CFI: variants seen among roughly 807,000 people sequenced by gnomAD.
CFI encodes the protein C3B/C4B inactivator.
Under a neutral mutation model 78.8 loss-of-function variants are expected in CFI, and 66 were observed. The ratio of observed to expected loss-of-function variants is 0.84; its 90% CI spans 0.69 to 1.03. The LOEUF is 1.03. Ranked by LOEUF, CFI falls within the 50% of genes least tolerant of loss-of-function variation. The probability of loss-of-function intolerance (pLI) is 0.00; values close to 1 mark genes in which losing one functional copy is unlikely to be tolerated. For missense variants in CFI, 706 were observed against 704.5 expected (o/e 1.00, Z -0.02); for synonymous variants, 250 against 232.6 (o/e 1.07, Z -0.68).
At chr4:109,734,851 A>C in the CFI span, among the ~76,000 whole-genome samples, 41 of 152,318 alleles carry the variant, frequency 2.7e-4, no homozygotes, top group Non-Finnish European at 4.6e-4. Flanking sequence ...TATCAAAATA[A>C]ATTATGAAAA....
At chr4:109,762,426 T>A (rs1727201749) in intron 3 of CFI, 1 of 152,204 alleles carries the variant, frequency 6.6e-6, no homozygotes, top group Non-Finnish European at 1.5e-5. Flanking sequence ...CTCAATTTGC[T>A]CAGAATTTGT....
intron 3 of CFI, chr4:109,764,239 C>T (rs1579227796): frequency 2.3e-6 from 1 of 435,844 alleles, no homozygotes; most frequent in Non-Finnish European, 4.2e-6. Context: ...AAAAAGTGTA[C>T]ATAATTGTAG....
intron 1 of CFI, among the ~76,000 whole-genome samples, chr4:109,792,930 T>C (rs775853031): frequency 9.9e-5 from 15 of 152,194 alleles, no homozygotes; most frequent in Non-Finnish European, 1.8e-4. Flanking sequence ...CTCTGCCTTT[T>C]GATATTAGAA....
chr4:109,785,006 G>A (rs1730561368), intron 1 of CFI, among the ~76,000 whole-genome samples: 1 of 151,922 alleles, frequency 6.6e-6, no homozygotes, highest in African/African-American at 2.4e-5. Flanking sequence ...AATGTACTTT[G>A]TGATATTCAC....
At chr4:109,757,740 C>A (rs753435467) in intron 7 of CFI, 23 bp downstream of exon 7, 2 of 1,387,594 alleles carry the variant, frequency 1.4e-6, no homozygotes. Flanking sequence ...TTTAATATCC[C>A]CAAATTTTAA....
chr4:109,797,940 A>G (rs1732267527), intron 1 of CFI, among the ~76,000 whole-genome samples: 1 of 152,216 alleles, frequency 6.6e-6, no homozygotes, highest in South Asian at 2.1e-4. Context: ...ATTCTTCTAC[A>G]GTTGTGGAAG....
rs1316257435 is a variant in CFI, at chr4:109,752,963, T to C, written c.905-460A>G. On this transcript the variant is annotated intron_variant, in intron 7 of 12. Transcript: ENST00000394634. ...ATAAATATTTATAATACATATTTATTATATATTTATTATATGAATAAATAT... is the reference window on the plus strand; with the variant it reads ...ATAAATATTTATAATACATATTTATCATATATTTATTATATGAATAAATAT... Among the ~76,000 whole-genome samples the C allele has an allele frequency of 1.3e-4, 5 of 39,976 alleles. 1 individual carries two copies. Among genetic ancestry groups the C allele is most frequent in the Non-Finnish European group, 1.7e-4 (3 of 17,368 alleles). The allele number at this position is 39,976 out of a possible 152,430, so 26.2% of individuals were successfully genotyped here. A position where few individuals can be genotyped will look rare whatever the true frequency, so the allele number is the denominator to read the frequency against.
intron 1 of CFI, among the ~76,000 whole-genome samples, chr4:109,776,571 T>C (rs1457526884): frequency 6.6e-6 from 1 of 152,102 alleles, no homozygotes; most frequent in African/African-American, 2.4e-5. Flanking sequence ...CAGGAGAACT[T>C]CCCCAACCTA....
downstream of CFI, among the ~76,000 whole-genome samples, chr4:109,739,247 T>C (rs957899550): frequency 6.6e-6 from 1 of 151,812 alleles, no homozygotes; most frequent in African/African-American, 2.4e-5. Flanking sequence ...GAAACATATA[T>C]GTCTGTCTTC....
At chr4:109,745,177 T>C (rs1466925488) in intron 11 of CFI, among the ~76,000 whole-genome samples, 1 of 152,194 alleles carries the variant, frequency 6.6e-6, no homozygotes, top group Non-Finnish European at 1.5e-5. Flanking sequence ...CTTCCTTTTT[T>C]TCTGTTATGC....
chr4:109,733,319 A>T, the CFI span, among the ~76,000 whole-genome samples: 3 of 152,144 alleles, frequency 2.0e-5, no homozygotes, highest in African/African-American at 2.4e-5. Flanking sequence ...TTCTTCCCAA[A>T]TTTTGGCATA....
At chr4:109,732,654 G>A in the CFI span, among the ~76,000 whole-genome samples, 11 of 152,094 alleles carry the variant, frequency 7.2e-5, no homozygotes, top group African/African-American at 2.6e-4. Context: ...TCAGGAGATC[G>A]AGACCATCCT....
At chr4:109,756,919 AAG>A (rs1491401466) in intron 7 of CFI, among the ~76,000 whole-genome samples, 1 of 140,916 alleles carries the variant, frequency 7.1e-6, no homozygotes, top group African/African-American at 2.7e-5. Context: ...GAAAGAAAGA[AAG>A]AAAGAAAGAA....
intron 11 of CFI, among the ~76,000 whole-genome samples, chr4:109,742,837 T>C (rs1561282582): frequency 6.6e-6 from 1 of 152,200 alleles, no homozygotes; most frequent in Non-Finnish European, 1.5e-5. Flanking sequence ...AAAGAGCTGG[T>C]ACCTTAAGTT....
rs888633889 is a variant in CFI, at chr4:109,740,791, C to T, written c.*102G>A. The stretch of plus-strand genomic sequence containing the variant: ...CTTTAAAAATATCCAGTGAGATTTG[C>T]TTCATTTTTCCCCCCTAGAGAATTA... On this transcript the variant is annotated 3_prime_UTR_variant, in exon 13 of 13. Transcript: ENST00000394634. 2 of 1,102,416 alleles carry T rather than the reference C, an allele frequency of 1.8e-6. No homozygotes were observed. The highest frequency in any genetic ancestry group is 3.7e-5 in the Admixed American group (2 of 54,248). The allele number at this position is 1,102,416 out of a possible 1,614,324, so 68.3% of individuals were successfully genotyped here.
At chr4:109,754,733 G>T (rs1369506743) in intron 7 of CFI, among the ~76,000 whole-genome samples, 4 of 152,134 alleles carry the variant, frequency 2.6e-5, no homozygotes, top group African/African-American at 9.7e-5. Flanking sequence ...GTAGAGAGAG[G>T]CTCTGCTCAG....
intron 8 of CFI, among the ~76,000 whole-genome samples, chr4:109,750,021 G>A (rs1724951939): frequency 2.6e-5 from 4 of 151,768 alleles, no homozygotes; most frequent in African/African-American, 9.7e-5. Context: ...TTTTGAGATG[G>A]AGTCTCAGTC....
intron 3 of CFI, among the ~76,000 whole-genome samples, chr4:109,762,993 A>G (rs1269158100): frequency 6.6e-6 from 1 of 152,280 alleles, no homozygotes; most frequent in Non-Finnish European, 1.5e-5. Flanking sequence ...GAAATAGCCT[A>G]TGGCTTAATT....
chr4:109,792,553 T>TCAAAAA lies in CFI; in HGVS notation c.57+9356_57+9361dup, dbSNP rs1199549885. ...GCATTCCAGCCTGGATGACTCCATC[T>TCAAAAA]CAAAAACAAAAACAAAAACAAAAAC... On this transcript the variant is annotated intron_variant, in intron 1 of 12. Transcript: ENST00000394634. Among the ~76,000 whole-genome samples, 7 of 152,112 alleles carry TCAAAAA rather than the reference T, an allele frequency of 4.6e-5. 1 individual carries two copies. Among genetic ancestry groups the TCAAAAA allele is most frequent in the South Asian group, 4.1e-4 (2 of 4,828 alleles).
Sources: allele counts gnomAD v4.1 joint callset (sites outside exome capture counted in the v4.1 genomes callset), GRCh38; gene constraint gnomAD v4.1.1; transcripts MANE v1.5; gene names NCBI Gene and HGNC (gene_info 2026-07-23, HGNC 2026-07-21).